The following COL4A6 variants were observed in gnomAD, a reference collection of about 807,000 sequenced individuals.
COL4A6 encodes collagen alpha-6(IV) chain.
In COL4A6, 59 loss-of-function variants were observed where a neutral mutation model predicts 126.7. The observed-to-expected ratio is 0.47, with a 90% CI of 0.38 to 0.58. COL4A6 has a LOEUF of 0.58. Ranked by LOEUF, COL4A6 falls within the 20% of genes least tolerant of loss-of-function variation. The probability of loss-of-function intolerance (pLI) is 0.00; values close to 1 mark genes in which losing one functional copy is unlikely to be tolerated. For missense variants in COL4A6, 1,285 were observed against 1,337.3 expected (o/e 0.96, Z 0.61); for synonymous variants, 547 against 496.6 (o/e 1.10, Z -1.35).
chrX:108,195,883 C>T (rs1473977107), intron 14 of COL4A6, among the ~76,000 whole-genome samples: 1 of 111,824 alleles, frequency 8.9e-6, no homozygotes, highest in Non-Finnish European at 1.9e-5. Context: ...AAGACTCTTA[C>T]TAAACTTCAT....
chrX:108,401,272 T>A (rs2041082428), intron 2 of COL4A6, among the ~76,000 whole-genome samples: 2 of 111,108 alleles, frequency 1.8e-5, no homozygotes, highest in Admixed American at 1.9e-4. Context: ...AATAAGTAAG[T>A]ATAAAGCCTC....
intron 2 of COL4A6, among the ~76,000 whole-genome samples, chrX:108,362,578 C>T (rs755704274): frequency 5.4e-5 from 6 of 111,959 alleles, no homozygotes; most frequent in Non-Finnish European, 9.4e-5. Context: ...AAGCATTCAG[C>T]CTATGTTGAA....
chrX:108,160,182 T>C (rs1213181269), intron 43 of COL4A6, among the ~76,000 whole-genome samples: 3 of 112,367 alleles, frequency 2.7e-5, no homozygotes, highest in Non-Finnish European at 5.6e-5. Flanking sequence ...GGGTGATTGA[T>C]TCATGCAATC....
At chrX:108,297,941 T>C (rs1252234641) in intron 3 of COL4A6, among the ~76,000 whole-genome samples, 1 of 107,657 alleles carries the variant, frequency 9.3e-6, no homozygotes, top group African/African-American at 3.4e-5. Context: ...TCTTTTTCTC[T>C]CTCTCACGTG....
chrX:108,384,718 AG>A (rs2040643826), intron 2 of COL4A6, among the ~76,000 whole-genome samples: 4 of 112,078 alleles, frequency 3.6e-5, no homozygotes, highest in Admixed American at 9.5e-5. Flanking sequence ...GGAATATTAG[AG>A]AATAAAGGAA....
intron 2 of COL4A6, among the ~76,000 whole-genome samples, chrX:108,405,724 T>C (rs1029837847): frequency 9.0e-6 from 1 of 110,986 alleles, no homozygotes; most frequent in Non-Finnish European, 1.9e-5. Flanking sequence ...GGGCCAAACC[T>C]CTACCAAGAA....
chrX:108,337,371 A>G (rs1235464703), intron 2 of COL4A6, among the ~76,000 whole-genome samples: 1 of 112,359 alleles, frequency 8.9e-6, no homozygotes, highest in Non-Finnish European at 1.9e-5. Context: ...AGAGATCTAC[A>G]AATGTCCACA....
intron 2 of COL4A6, among the ~76,000 whole-genome samples, chrX:108,406,210 A>C (rs2041203534): frequency 9.0e-6 from 1 of 111,705 alleles, no homozygotes; most frequent in South Asian, 3.8e-4. Flanking sequence ...GACCCACACC[A>C]TCTTCCCAAC....
rs1426507753 is a variant in COL4A6, at chrX:108,347,945, A to G, written c.64-37117T>C. 2.7e-5 allele frequency among the ~76,000 whole-genome samples: 3 copies of G among 110,524 alleles called. No individual in the cohort carries two copies. In the Admixed American group the frequency reaches 2.9e-4, roughly 11 times the overall value. On this transcript the variant is annotated intron_variant, in intron 2 of 44. Coordinates refer to ENST00000334504, the MANE Select transcript of COL4A6 (RefSeq NM_033641.4). ...CAAACAATGGGGCTGAGCTGCAGGC[A>G]GCAGGAAACAAGCAGCAGGCAGGCC...
At chrX:108,182,336 T>A (rs1294625886) in intron 23 of COL4A6, among the ~76,000 whole-genome samples, 4 of 112,391 alleles carry the variant, frequency 3.6e-5, no homozygotes, top group Non-Finnish European at 7.5e-5. Context: ...TAAGAATGAG[T>A]ACTCAGTAGA....
rs775846297 is a variant in COL4A6 at position 108,167,670 on chromosome X, A to G, written c.3691+1825T>C. Among the ~76,000 whole-genome samples, 3 of 111,285 alleles carry G rather than the reference A, an allele frequency of 2.7e-5. No individual in the cohort carries two copies. In the South Asian group the frequency reaches 1.2e-3, roughly 43 times the overall value. ...TGTTTTCTTAGGAGTAAATCATCAT[A>G]TTGCACTGACTCCCGTTGTCAAATC... On this transcript the variant is annotated intron_variant, in intron 37 of 44. Transcript: ENST00000334504.
chrX:108,190,191 A>G (rs2034994408), intron 20 of COL4A6, among the ~76,000 whole-genome samples: 1 of 112,277 alleles, frequency 8.9e-6, no homozygotes, highest in South Asian at 3.7e-4. Flanking sequence ...CCTGTGAGCA[A>G]CTTGGTCCTG....
chrX:108,156,874 T>G lies in COL4A6; in HGVS notation c.*126A>C, dbSNP rs2148042614. The G allele has an allele frequency of 1.2e-4, 87 of 717,517 alleles. No homozygotes were observed. Among genetic ancestry groups the G allele is most frequent in the Non-Finnish European group, 1.6e-4 (78 of 474,305 alleles). 59.1% of individuals were successfully genotyped at this position (717,517 alleles called of 1,213,427 possible). ...CGAGTGTCCGGTAGTCTAGCCCAAA[T>G]GAGACTCCAATGTACAACTTGACAG... On this transcript the variant is annotated 3_prime_UTR_variant, in exon 45 of 45. Coordinates refer to ENST00000334504, the MANE Select transcript of COL4A6 (RefSeq NM_033641.4).
intron 3 of COL4A6, among the ~76,000 whole-genome samples, chrX:108,295,905 C>T (rs183593393): frequency 3.0e-4 from 34 of 112,114 alleles, no homozygotes; most frequent in African/African-American, 1.1e-3. Context: ...TCTAGACATT[C>T]TGTTTTTAGT....
chrX:108,402,496 C>G (rs1435043285), intron 2 of COL4A6, among the ~76,000 whole-genome samples: 1 of 110,635 alleles, frequency 9.0e-6, no homozygotes, highest in Non-Finnish European at 1.9e-5. Flanking sequence ...TAATTAATTT[C>G]TCCTCCTAAC....
intron 24 of COL4A6, 73 bp downstream of exon 24, chrX:108,180,824 G>T: frequency 2.0e-6 from 2 of 1,020,171 alleles, no homozygotes; most frequent in Non-Finnish European, 1.4e-6. Context: ...ATACTACTGG[G>T]CTATCCTCTG....
At chrX:108,319,874 A>C (rs2038982473) in intron 2 of COL4A6, among the ~76,000 whole-genome samples, 1 of 112,049 alleles carries the variant, frequency 8.9e-6, no homozygotes, top group Non-Finnish European at 1.9e-5. Context: ...GTTTGAGGGA[A>C]TATGTGTTGA....
chrX:108,197,864 C>A (rs2035270218), intron 13 of COL4A6, among the ~76,000 whole-genome samples: 1 of 106,549 alleles, frequency 9.4e-6, no homozygotes, highest in Non-Finnish European at 1.9e-5. Flanking sequence ...CTCTTTTCTG[C>A]ATTTAGTATA....
At chrX:108,298,680 G>T (rs774283680) in intron 3 of COL4A6, among the ~76,000 whole-genome samples, 2 of 110,266 alleles carry the variant, frequency 1.8e-5, no homozygotes, top group Non-Finnish European at 3.8e-5. Context: ...CCCTGCGGGG[G>T]CTGGTTAAAC....
Sources: allele counts gnomAD v4.1 joint callset (sites outside exome capture counted in the v4.1 genomes callset), GRCh38; gene constraint gnomAD v4.1.1; transcripts MANE v1.5; gene names NCBI Gene and HGNC (gene_info 2026-07-23, HGNC 2026-07-21).